The following QKI variants were observed in gnomAD, a reference collection of about 807,000 sequenced individuals.
QKI encodes KH domain-containing RNA-binding protein QKI.
In QKI, 10 loss-of-function variants were observed where a neutral mutation model predicts 39.0. That is an observed-to-expected ratio of 0.26 (90% CI 0.16 to 0.43). The LOEUF is 0.43. Among genes scored for constraint, QKI ranks in the 20% least tolerant of loss-of-function variants. The pLI, the probability that QKI is intolerant of heterozygous loss-of-function variation, is 1.00. For synonymous variants in QKI, 204 were observed against 155.4 expected, an observed-to-expected ratio of 1.31 and a Z score of -2.33; for missense variants, 218 against 428.0, an observed-to-expected ratio of 0.51 and a Z score of 4.33.
chr6:163,566,153 A>T, intron 6 of QKI: 2 of 1,394,552 alleles, frequency 1.4e-6, no homozygotes, highest in Non-Finnish European at 1.9e-6. Flanking sequence ...ATTACACAGT[A>T]ATGGTAATTT....
intron 6 of QKI, 80 bp from the exon 7 acceptor site, chr6:163,566,641 T>G (rs1783374774): frequency 1.3e-6 from 2 of 1,566,310 alleles, no homozygotes; most frequent in East Asian, 4.7e-5. Flanking sequence ...TGAAATCCAT[T>G]TTGATAAACC....
At chr6:163,498,617 CCTTTT>C (rs1426378381) in intron 3 of QKI, among the ~76,000 whole-genome samples, 1 of 152,044 alleles carries the variant, frequency 6.6e-6, no homozygotes, top group Non-Finnish European at 1.5e-5. Context: ...CCTCCTCTCC[CCTTTT>C]AAGTTGGAGT....
intron 1 of QKI, among the ~76,000 whole-genome samples, chr6:163,441,989 C>T (rs902044884): frequency 3.3e-5 from 5 of 152,140 alleles, no homozygotes; most frequent in African/African-American, 4.8e-5. Flanking sequence ...TGGTTCTGGG[C>T]ATCCTTTTAG....
At chr6:163,564,200 A>T (rs1463484648) in intron 6 of QKI, 7 of 1,023,462 alleles carry the variant, frequency 6.8e-6, no homozygotes, top group Non-Finnish European at 8.2e-6. Flanking sequence ...GCGATCACTT[A>T]AAATATCAGA....
intron 5 of QKI, 99 bp from the exon 6 acceptor site, chr6:163,563,321 T>C: frequency 1.7e-6 from 2 of 1,158,312 alleles, no homozygotes; most frequent in Non-Finnish European, 2.4e-6. Context: ...ATTTTTCTTC[T>C]TTCCTGCTTT....
At chr6:163,543,217 G>A (rs929396189) in intron 4 of QKI, among the ~76,000 whole-genome samples, 1 of 152,110 alleles carries the variant, frequency 6.6e-6, no homozygotes, top group East Asian at 1.9e-4. Context: ...TTTAGTCCTT[G>A]ATCAAATATT....
At chr6:163,464,825 G>C (rs1180320252) in intron 2 of QKI, among the ~76,000 whole-genome samples, 3 of 152,138 alleles carry the variant, frequency 2.0e-5, no homozygotes, top group African/African-American at 7.2e-5. Flanking sequence ...ACACTTCCCA[G>C]ATTCATTTTA....
intron 4 of QKI, among the ~76,000 whole-genome samples, chr6:163,541,245 A>G (rs561366045): frequency 1.1e-4 from 17 of 152,046 alleles, no homozygotes; most frequent in African/African-American, 3.4e-4. Flanking sequence ...TTATTTCCAA[A>G]TGTTTCCAAA....
At chr6:163,431,800 T>TA (rs66790166) in intron 1 of QKI, among the ~76,000 whole-genome samples, 57,837 of 126,980 alleles carry the variant, frequency 0.46, 13,499 homozygotes, top group East Asian at 0.72. Flanking sequence ...AAGATTTTTG[T>TA]AAAAAAAAAA....
At chr6:163,486,581 G>A (rs1254262004) in intron 3 of QKI, among the ~76,000 whole-genome samples, 2 of 152,036 alleles carry the variant, frequency 1.3e-5, no homozygotes, top group African/African-American at 4.8e-5. Context: ...AGCTCTATTT[G>A]TTATGCTTAA....
chr6:163,478,918 A>G (rs779471754), intron 3 of QKI, 22 bp downstream of exon 3: 10 of 1,516,830 alleles, frequency 6.6e-6, no homozygotes, highest in African/African-American at 1.4e-5. Flanking sequence ...AAAATGGACT[A>G]AGTCTTTATG....
At chr6:163,451,662 G>A (rs1055485556) in intron 1 of QKI, among the ~76,000 whole-genome samples, 6 of 152,176 alleles carry the variant, frequency 3.9e-5, no homozygotes, top group African/African-American at 1.4e-4. Flanking sequence ...TTTGTACTAT[G>A]CGTGATTAAG....
intron 1 of QKI, among the ~76,000 whole-genome samples, chr6:163,433,035 T>A (rs1040259683): frequency 6.6e-6 from 1 of 152,094 alleles, no homozygotes; most frequent in Non-Finnish European, 1.5e-5. Context: ...AGTTAGAAAA[T>A]CTTAGATTTG....
intron 3 of QKI, among the ~76,000 whole-genome samples, chr6:163,533,098 C>G (rs1198072283): frequency 2.0e-5 from 3 of 149,870 alleles, no homozygotes; most frequent in Non-Finnish European, 3.0e-5. Context: ...TTAGGCCCAC[C>G]AAATAATACC....
intron 1 of QKI, among the ~76,000 whole-genome samples, chr6:163,445,100 G>A (rs756135501): frequency 6.6e-6 from 1 of 151,954 alleles, no homozygotes; most frequent in Non-Finnish European, 1.5e-5. Context: ...TTGCCATGTT[G>A]CCCAGGCTCA....
intron 1 of QKI, among the ~76,000 whole-genome samples, chr6:163,439,326 C>T (rs1409366045): frequency 6.3e-5 from 9 of 141,860 alleles, no homozygotes; most frequent in East Asian, 2.0e-4. Flanking sequence ...AATAATCCTT[C>T]GTGGTTTTTT....
rs1209799592 is a variant in QKI, at chr6:163,573,397, A to C, written c.*2687A>C. 6.6e-6 allele frequency: 1 copy of C among 152,076 alleles called. No homozygotes were observed. Among genetic ancestry groups the C allele is most frequent in the Non-Finnish European group, 1.5e-5 (1 of 68,010 alleles). The allele number at this position is 152,076 out of a possible 1,614,324, so 9.4% of individuals were successfully genotyped here. A position where few individuals can be genotyped will look rare whatever the true frequency, so the allele number is the denominator to read the frequency against. On this transcript the variant is annotated 3_prime_UTR_variant, in exon 8 of 8. Coordinates refer to ENST00000361752, the MANE Select transcript of QKI (RefSeq NM_006775.3). ...ATTTTTGTCTATTCTTTATTATCTT[A>C]GTTTCATGCTATGTATGTACCATAA...
chr6:163,493,857 A>AAAAATATAGG, intron 3 of QKI, among the ~76,000 whole-genome samples: 1 of 28,660 alleles, frequency 3.5e-5, no homozygotes, highest in Non-Finnish European at 7.3e-5. Context: ...AAAAATATAG[A>AAAAATATAGG]CAAAAATACA....
intron 3 of QKI, among the ~76,000 whole-genome samples, chr6:163,520,517 C>A (rs1234845235): frequency 1.3e-5 from 2 of 151,254 alleles, no homozygotes; most frequent in Admixed American, 1.3e-4. Context: ...TACCTGTTTT[C>A]AAAACTATAG....
Sources: gnomAD v4.1 joint callset for allele counts (sites outside exome capture counted in the v4.1 genomes callset) on GRCh38, gnomAD v4.1.1 for gene constraint, MANE v1.5 for transcripts, NCBI Gene and HGNC (gene_info 2026-07-23, HGNC 2026-07-21) for gene names.